Variants in HIBADH observed in about 807,000 individuals in gnomAD.
The protein encoded by HIBADH is 3-hydroxyisobutyrate dehydrogenase, also known as 3-hydroxyisobutyrate dehydrogenase, mitochondrial.
HIBADH carries 25 observed loss-of-function variants against 36.1 expected under a neutral mutation model. That is an observed-to-expected ratio of 0.69 (90% CI 0.50 to 0.97). The LOEUF is 0.97. Among genes scored for constraint, HIBADH ranks in the 50% least tolerant of loss-of-function variants. The probability of loss-of-function intolerance (pLI) is 0.00; values close to 1 mark genes in which losing one functional copy is unlikely to be tolerated. For synonymous variants in HIBADH, 160 were observed against 149.5 expected (o/e 1.07, Z -0.51); for missense variants, 421 against 418.0 (o/e 1.01, Z -0.06).
chr7:27,630,117 TTATA>T (rs1362282999), intron 3 of HIBADH, among the ~76,000 whole-genome samples: 1 of 152,080 alleles, frequency 6.6e-6, no homozygotes, highest in Non-Finnish European at 1.5e-5. Context: ...TTAGGGTAAC[TTATA>T]TATATACACT....
chr7:27,538,710 G>T (rs908238413), intron 5 of HIBADH, among the ~76,000 whole-genome samples: 2 of 152,034 alleles, frequency 1.3e-5, no homozygotes, highest in Admixed American at 1.3e-4. Context: ...TGCTCTTTAA[G>T]GGATGGAACT....
chr7:27,593,213 T>C (rs569552141), intron 4 of HIBADH, among the ~76,000 whole-genome samples: 4 of 152,324 alleles, frequency 2.6e-5, no homozygotes, highest in African/African-American at 7.2e-5. Flanking sequence ...CTGAGCATCA[T>C]GTCAGCCCTC....
intron 6 of HIBADH, among the ~76,000 whole-genome samples, chr7:27,535,722 A>C (rs1042209640): frequency 6.6e-6 from 1 of 152,056 alleles, no homozygotes; most frequent in African/African-American, 2.4e-5. Flanking sequence ...AGGAATCTCA[A>C]AATATATTGT....
intron 4 of HIBADH, among the ~76,000 whole-genome samples, chr7:27,624,704 A>C (rs899405586): frequency 6.6e-6 from 1 of 152,236 alleles, no homozygotes; most frequent in South Asian, 2.1e-4. Context: ...AATATGCATT[A>C]AAGAACCATC....
At chr7:27,556,489 T>C (rs920888449) in intron 4 of HIBADH, among the ~76,000 whole-genome samples, 2 of 152,184 alleles carry the variant, frequency 1.3e-5, no homozygotes, top group Non-Finnish European at 2.9e-5. Context: ...CTTCAGAAGG[T>C]TTTCCTCATT....
chr7:27,579,535 A>T (rs1343445923), intron 4 of HIBADH, among the ~76,000 whole-genome samples: 4 of 152,240 alleles, frequency 2.6e-5, no homozygotes, highest in Admixed American at 6.5e-5. Flanking sequence ...TGATTTACAA[A>T]AACAGATATT....
intron 4 of HIBADH, among the ~76,000 whole-genome samples, chr7:27,598,543 C>T (rs1025657086): frequency 6.6e-6 from 1 of 152,148 alleles, no homozygotes; most frequent in Non-Finnish European, 1.5e-5. Flanking sequence ...GGTTTGAATA[C>T]TATGATTCCA....
chr7:27,586,737 C>T (rs1185274564), intron 4 of HIBADH, among the ~76,000 whole-genome samples: 1 of 152,116 alleles, frequency 6.6e-6, no homozygotes, highest in Non-Finnish European at 1.5e-5. Flanking sequence ...GAGGCGTTAG[C>T]TTTGTGGTTC....
intron 7 of HIBADH, among the ~76,000 whole-genome samples, chr7:27,528,631 G>C (rs1783948151): frequency 6.6e-6 from 1 of 152,206 alleles, no homozygotes; most frequent in East Asian, 1.9e-4. Context: ...TGCAGAAGAC[G>C]TGTGAAGCTA....
chr7:27,617,077 T>TTTACTCACCAC (rs1785444771), intron 4 of HIBADH, among the ~76,000 whole-genome samples: 1 of 43,590 alleles, frequency 2.3e-5, no homozygotes. Flanking sequence ...GGCCTTCACA[T>TTTACTCACCAC]TCACTCACCG....
At chr7:27,617,765 TTACA>T (rs758838604) in intron 4 of HIBADH, among the ~76,000 whole-genome samples, 3 of 152,142 alleles carry the variant, frequency 2.0e-5, no homozygotes, top group Non-Finnish European at 2.9e-5. Flanking sequence ...GCTCCTCTAC[TTACA>T]TGAACCCTGA....
intron 1 of HIBADH, among the ~76,000 whole-genome samples, chr7:27,658,536 A>C (rs1786350411): frequency 1.3e-5 from 2 of 152,228 alleles, no homozygotes; most frequent in African/African-American, 4.8e-5. Flanking sequence ...GGTTTCACTA[A>C]GTGTCAAAAT....
chr7:27,532,718 A>G (rs1015547270), intron 6 of HIBADH, among the ~76,000 whole-genome samples: 1 of 152,196 alleles, frequency 6.6e-6, no homozygotes, highest in African/African-American at 2.4e-5. Flanking sequence ...TAAATTGGCT[A>G]TCATTCATTC....
At chr7:27,561,135 T>C (rs1162141718) in intron 4 of HIBADH, among the ~76,000 whole-genome samples, 1 of 152,190 alleles carries the variant, frequency 6.6e-6, no homozygotes, top group Non-Finnish European at 1.5e-5. Context: ...AAATCCTTTG[T>C]CCATTTTTAA....
chr7:27,616,269 A>C (rs976858853), intron 4 of HIBADH, among the ~76,000 whole-genome samples: 5 of 152,136 alleles, frequency 3.3e-5, no homozygotes, highest in African/African-American at 9.7e-5. Context: ...GCATTAATCT[A>C]TTCACGAGGG....
intron 1 of HIBADH, among the ~76,000 whole-genome samples, chr7:27,650,465 TTTA>T (rs1166873097): frequency 2.6e-3 from 59 of 22,404 alleles, no homozygotes; most frequent in East Asian, 0.062. Context: ...TATATTTTTA[TTTA>T]TTTATTTATT....
intron 6 of HIBADH, among the ~76,000 whole-genome samples, chr7:27,537,257 G>T (rs906838920): frequency 6.6e-6 from 1 of 152,070 alleles, no homozygotes; most frequent in Non-Finnish European, 1.5e-5. Context: ...TAGTGCTGAC[G>T]CAAAGCAAAT....
At chr7:27,601,622 A>T (rs898974346) in intron 4 of HIBADH, among the ~76,000 whole-genome samples, 2 of 152,136 alleles carry the variant, frequency 1.3e-5, no homozygotes, top group Non-Finnish European at 2.9e-5. Context: ...TAAAAATTTA[A>T]GGTAAAGGGG....
At chr7:27,539,905 TATTC>T (rs1220141939) in intron 5 of HIBADH, among the ~76,000 whole-genome samples, 2 of 152,134 alleles carry the variant, frequency 1.3e-5, no homozygotes, top group Non-Finnish European at 2.9e-5. Context: ...ATATATTTAT[TATTC>T]ATTAAGTGGA....
Sources: gnomAD v4.1 joint callset for allele counts (sites outside exome capture counted in the v4.1 genomes callset) on GRCh38, gnomAD v4.1.1 for gene constraint, MANE v1.5 for transcripts, NCBI Gene and HGNC (gene_info 2026-07-23, HGNC 2026-07-21) for gene names.